Variants in STIM1 observed in about 807,000 individuals in gnomAD.
STIM1 encodes the protein stromal interaction molecule 1.
A neutral mutation model predicts 74.7 loss-of-function variants in STIM1; 25 were observed. The ratio of observed to expected loss-of-function variants is 0.33; its 90% CI spans 0.24 to 0.47. The LOEUF is 0.47. Among genes scored for constraint, STIM1 ranks in the 20% least tolerant of loss-of-function variants. STIM1 has a pLI of 1.00. For missense variants in STIM1, 728 were observed against 920.8 expected, an observed-to-expected ratio of 0.79 and a Z score of 2.71; for synonymous variants, 328 against 348.8, an observed-to-expected ratio of 0.94 and a Z score of 0.66.
chr11:3,909,768 G>A lies in STIM1; in HGVS notation c.139+53359G>A, dbSNP rs1352014456. 4.7e-5 allele frequency among the ~76,000 whole-genome samples: 7 copies of A among 150,402 alleles called. No individual in the cohort carries two copies. In the East Asian group the frequency reaches 1.2e-3, roughly 25 times the overall value. On this transcript the variant is annotated intron_variant, in intron 1 of 12. Transcript: ENST00000526596. ...GATCCTGGCACTGCACTCCAGCCTG[G>A]GTGACAGAGCGAGACTCCATCTCAA...
In STIM1 at chr11:4,076,485, C is replaced by CAAA. The variant is rs58804386; in HGVS notation, c.969+1836_969+1838dup. Among the ~76,000 whole-genome samples, 125 of 40,762 alleles carry CAAA rather than the reference C, an allele frequency of 3.1e-3. 6 individuals carry two copies. The highest frequency in any genetic ancestry group is 0.011 in the African/African-American group (101 of 8,912). 26.7% of individuals were successfully genotyped at this position (40,762 alleles called of 152,430 possible). ...TGGGTGACAGAGTGAGACTCCATCT[C>CAAA]AAAAAAAAAAAAAAAAAAAAAAAAA... On this transcript the variant is annotated intron_variant, in intron 7 of 12. Coordinates refer to ENST00000526596, the MANE Select transcript of STIM1 (RefSeq NM_001382567.1).
chr11:3,870,372 C>G (rs1053292716), intron 1 of STIM1, among the ~76,000 whole-genome samples: 1 of 152,210 alleles, frequency 6.6e-6, no homozygotes, highest in African/African-American at 2.4e-5. Flanking sequence ...AAGATCGTAA[C>G]AAGATTGCTT....
chr11:4,006,899 A>AGG (rs1259710395), intron 2 of STIM1, among the ~76,000 whole-genome samples: 1 of 152,160 alleles, frequency 6.6e-6, no homozygotes, highest in African/African-American at 2.4e-5. Context: ...ATTGATTCTA[A>AGG]GGAAGAACCC....
intron 1 of STIM1, among the ~76,000 whole-genome samples, chr11:3,879,465 C>T (rs1418338590): frequency 6.6e-6 from 1 of 152,210 alleles, no homozygotes; most frequent in Non-Finnish European, 1.5e-5. Flanking sequence ...CATTAATCTT[C>T]TCCCCAGCCA....
At chr11:3,881,902 C>T (rs1018963543) in intron 1 of STIM1, among the ~76,000 whole-genome samples, 6 of 149,924 alleles carry the variant, frequency 4.0e-5, no homozygotes, top group Non-Finnish European at 1.5e-5. Context: ...GAACTCCTGA[C>T]CTCAGGTGAT....
intron 1 of STIM1, among the ~76,000 whole-genome samples, chr11:3,886,674 C>T (rs1215715839): frequency 8.7e-5 from 10 of 115,410 alleles, no homozygotes; most frequent in African/African-American, 2.3e-4. Context: ...GGTGACAGAG[C>T]GAGACTCTGT....
chr11:3,875,049 C>T (rs1398593660), intron 1 of STIM1, among the ~76,000 whole-genome samples: 2 of 151,584 alleles, frequency 1.3e-5, no homozygotes, highest in Admixed American at 1.3e-4. Context: ...TGGTTTGCAA[C>T]CTACAGAGCT....
At chr11:3,989,634 G>A (rs2093590546) in intron 2 of STIM1, among the ~76,000 whole-genome samples, 1 of 152,174 alleles carries the variant, frequency 6.6e-6, no homozygotes, top group Non-Finnish European at 1.5e-5. Context: ...TAGTTTAGGG[G>A]GAAAGCTAAA....
Position 4,083,610 on chromosome 11 carries a change from G to A in STIM1, c.1474+112G>A, listed in dbSNP as rs140855783. ...GATGGGGCAGATACCCAGGAAGATA[G>A]TTCAACTCATGACCTTGGTCAATAA... On this transcript the variant is annotated intron_variant, in intron 10 of 12. Coordinates refer to ENST00000526596, the MANE Select transcript of STIM1 (RefSeq NM_001382567.1). 3.4e-4 allele frequency: 347 copies of A among 1,020,194 alleles called. No homozygotes were observed. In the African/African-American group the frequency reaches 4.8e-3, roughly 14 times the overall value. The allele number at this position is 1,020,194 out of a possible 1,614,324, so 63.2% of individuals were successfully genotyped here. A position where few individuals can be genotyped will look rare whatever the true frequency, so the allele number is the denominator to read the frequency against.
At chr11:3,869,095 AGTAGC>A (rs1291219939) in intron 1 of STIM1, among the ~76,000 whole-genome samples, 2 of 151,962 alleles carry the variant, frequency 1.3e-5, no homozygotes, top group Non-Finnish European at 2.9e-5. Flanking sequence ...CAGCCTCCCG[AGTAGC>A]GGGGACTACA....
intron 2 of STIM1, among the ~76,000 whole-genome samples, chr11:4,005,976 A>G (rs1565145676): frequency 3.3e-5 from 5 of 152,198 alleles, no homozygotes; most frequent in Admixed American, 3.3e-4. Context: ...AGAGGTAAAT[A>G]AGAGTTGGTA....
intron 12 of STIM1, among the ~76,000 whole-genome samples, chr11:4,088,210 C>G (rs866437670): frequency 2.6e-5 from 4 of 152,152 alleles, no homozygotes; most frequent in African/African-American, 4.8e-5. Flanking sequence ...AGATAGTAGC[C>G]TTGACCTTGC....
At chr11:4,075,348 G>A (rs1461508552) in intron 7 of STIM1, among the ~76,000 whole-genome samples, 2 of 152,054 alleles carry the variant, frequency 1.3e-5, no homozygotes, top group Non-Finnish European at 2.9e-5. Context: ...TCAAGATACA[G>A]AACCTTCTCA....
intron 1 of STIM1, among the ~76,000 whole-genome samples, chr11:3,928,891 G>A (rs1418869835): frequency 1.3e-5 from 2 of 152,078 alleles, no homozygotes; most frequent in Non-Finnish European, 2.9e-5. Context: ...CCTCGAGACA[G>A]ACTCTCACTC....
chr11:4,031,282 T>G (rs1279566473), intron 3 of STIM1, among the ~76,000 whole-genome samples: 1 of 152,232 alleles, frequency 6.6e-6, no homozygotes, highest in African/African-American at 2.4e-5. Flanking sequence ...CCACAATTTA[T>G]TTACCTATTT....
chr11:3,939,192 A>G (rs989416640), intron 1 of STIM1, among the ~76,000 whole-genome samples: 1 of 152,224 alleles, frequency 6.6e-6, no homozygotes, highest in Non-Finnish European at 1.5e-5. Context: ...CTATCAGAGG[A>G]TATACACTTA....
intron 3 of STIM1, among the ~76,000 whole-genome samples, chr11:4,031,727 T>C (rs2094052012): frequency 6.6e-6 from 1 of 152,236 alleles, no homozygotes; most frequent in South Asian, 2.1e-4. Context: ...TGGGTTGTTT[T>C]TCTAAATTGA....
chr11:3,975,748 A>G (rs1443059254), intron 2 of STIM1, among the ~76,000 whole-genome samples: 1 of 152,238 alleles, frequency 6.6e-6, no homozygotes, highest in Non-Finnish European at 1.5e-5. Context: ...ATGAAAAGAT[A>G]CTCAATATTA....
At chr11:4,025,020 T>A (rs779805892) in intron 3 of STIM1, among the ~76,000 whole-genome samples, 2 of 152,142 alleles carry the variant, frequency 1.3e-5, no homozygotes, top group Non-Finnish European at 2.9e-5. Context: ...GATCCCTGGT[T>A]TTTATTTGAG....
Sources: allele counts gnomAD v4.1 joint callset (sites outside exome capture counted in the v4.1 genomes callset), GRCh38; gene constraint gnomAD v4.1.1; transcripts MANE v1.5; gene names NCBI Gene and HGNC (gene_info 2026-07-23, HGNC 2026-07-21).